The following NEDD4 variants were observed in gnomAD, a reference collection of about 807,000 sequenced individuals.
NEDD4 encodes E3 ubiquitin-protein ligase NEDD4.
NEDD4 carries 99 observed loss-of-function variants against 144.9 expected under a neutral mutation model. The ratio of observed to expected loss-of-function variants is 0.68; its 90% confidence interval spans 0.58 to 0.81. The LOEUF is 0.81. NEDD4 is among the 30% of genes least tolerant of loss of function. The pLI is 0.00. For synonymous variants in NEDD4, 318 were observed against 350.6 expected (o/e 0.91, Z 1.04); for missense variants, 985 against 1,065.9 (o/e 0.92, Z 1.06).
Position 55,840,484 on chromosome 15 carries a change from A to G in NEDD4, c.1994T>C (p.Leu665Pro). 6.2e-7 allele frequency: 1 copy of G among 1,614,016 alleles called. No individual in the cohort carries two copies. Among genetic ancestry groups the G allele is most frequent in the Non-Finnish European group, 8.5e-7 (1 of 1,179,982 alleles). ...ATCATGAAGGGTTATTGGTTTGTGA[A>G]GCATCATCTTGTAAAATGGGCGGAT... ...FFIRPFYKMM[L>P]HKPITLHDME... Residue 665 changes from leucine (L) to proline (P), a missense_variant, in exon 21 of 29, where the codon CTT (leucine) becomes CCT (proline). By Grantham distance (98) the Leu-to-Pro change is moderately conservative (BLOSUM62 -3). Transcript: ENST00000435532.
At position 55,830,569 on chromosome 15, in the gene NEDD4, A is replaced by G. The variant is rs566483106; in HGVS notation, c.2545T>C (p.Ser849Pro). ...AELYGSNGPQ[S>P]FTVEQWGTPE... ...GTACCCCACTGTTCAACTGTAAATG[A>G]CTGTGGTCCATTTGAACCTATAAGG... is the stretch of plus-strand genomic sequence containing the variant. Residue 849 changes from serine (S) to proline (P), a missense_variant, in exon 28 of 29, where the codon TCA (serine) becomes CCA (proline). Ser to Pro is a moderately conservative substitution (Grantham distance 74, BLOSUM62 -1). Coordinates refer to ENST00000435532, the MANE Select transcript of NEDD4 (RefSeq NM_006154.4). The G allele has an allele frequency of 6.2e-7, 1 of 1,614,088 alleles. No individual in the cohort carries two copies. Among genetic ancestry groups the G allele is most frequent in the East Asian group, 2.2e-5 (1 of 44,888 alleles).
At chr15:55,988,033 A>G (rs1431354583) in intron 1 of NEDD4, 1 of 151,642 alleles carries the variant, frequency 6.6e-6, no homozygotes, top group East Asian at 1.9e-4. Context: ...ACGTATGTTT[A>G]TTGCGGCACT....
At chr15:55,840,261 G>A (rs1425704951) in intron 21 of NEDD4, among the ~76,000 whole-genome samples, 186 bp downstream of exon 21, 8 of 151,600 alleles carry the variant, frequency 5.3e-5, no homozygotes, top group African/African-American at 1.9e-4. Context: ...ACTGTCCAAT[G>A]TAAAATTCTT....
intron 5 of NEDD4, among the ~76,000 whole-genome samples, chr15:55,918,621 G>C (rs1019331600): frequency 6.6e-6 from 1 of 150,648 alleles, no homozygotes; most frequent in Non-Finnish European, 1.5e-5. Flanking sequence ...ATCTGTTTTT[G>C]ATCAGAATTT....
intron 5 of NEDD4, among the ~76,000 whole-genome samples, chr15:55,905,028 G>A (rs2036040682): frequency 6.6e-6 from 1 of 151,142 alleles, no homozygotes; most frequent in Non-Finnish European, 1.5e-5. Flanking sequence ...GGAGGCAGAG[G>A]CTGCAGTGAG....
intron 2 of NEDD4, among the ~76,000 whole-genome samples, chr15:55,958,193 A>G (rs2037369583): frequency 6.6e-6 from 1 of 152,180 alleles, no homozygotes; most frequent in Non-Finnish European, 1.5e-5. Context: ...ATGTTAAGCC[A>G]CCTTTGTATT....
chr15:55,856,149 T>C lies in NEDD4; in HGVS notation c.1008A>G (p.Glu336=). Residue 336 remains glutamate, a synonymous_variant, in exon 12 of 29, where the codon GAA becomes GAG. Transcript: ENST00000435532. ...RGSLQAYTFE[E]QPTLPVLLPT... is the part of the protein sequence containing the mutation. ...AACTCACCACAGGAAGTGTAGGTTGTTCCTCAAAAGTATAGGCTTGTAAGC... is the reference window on the plus strand; with the variant it reads ...AACTCACCACAGGAAGTGTAGGTTGCTCCTCAAAAGTATAGGCTTGTAAGC... 6.2e-7 allele frequency: 1 copy of C among 1,613,230 alleles called. No individual in the cohort carries two copies. Among genetic ancestry groups the C allele is most frequent in the Non-Finnish European group, 8.5e-7 (1 of 1,179,590 alleles).
At chr15:55,970,463 T>A (rs536671334) in intron 1 of NEDD4, among the ~76,000 whole-genome samples, 1 of 152,156 alleles carries the variant, frequency 6.6e-6, no homozygotes, top group South Asian at 2.1e-4. Context: ...TTAGGCAAAA[T>A]CCAGTACTGT....
intron 6 of NEDD4, among the ~76,000 whole-genome samples, 162 bp from the exon 7 acceptor site, chr15:55,872,638 T>C (rs1445979255): frequency 6.6e-6 from 1 of 152,228 alleles, no homozygotes; most frequent in Non-Finnish European, 1.5e-5. Context: ...GCTTTCACTT[T>C]CCTGCCCAAG....
chr15:55,868,230 G>C (rs2034652086), intron 8 of NEDD4, among the ~76,000 whole-genome samples: 1 of 152,130 alleles, frequency 6.6e-6, no homozygotes, highest in Admixed American at 6.5e-5. Flanking sequence ...AGCCCCTGGG[G>C]AAGGCCCTCA....
Position 55,993,604 on chromosome 15 carries a change from G to C in NEDD4, c.-49C>G, listed in dbSNP as rs770482890. The C allele has an allele frequency of 6.3e-7, 1 of 1,579,748 alleles. No individual in the cohort carries two copies. The highest frequency in any genetic ancestry group is 1.8e-5 in the Admixed American group (1 of 55,382). Reference sequence around the variant, plus strand: ...GACGCGCTCGCCCCCGCCCAGGGCAGGCAACTGTGGAGGAGGAGGAGGAGA... The same window carrying C: ...GACGCGCTCGCCCCCGCCCAGGGCACGCAACTGTGGAGGAGGAGGAGGAGA... On this transcript the variant is annotated 5_prime_UTR_variant, in exon 1 of 29. Coordinates refer to ENST00000435532, the MANE Select transcript of NEDD4 (RefSeq NM_006154.4).
intron 11 of NEDD4, 85 bp from the exon 12 acceptor site, chr15:55,856,281 T>C: frequency 8.5e-7 from 1 of 1,171,914 alleles, no homozygotes; most frequent in East Asian, 2.4e-5. Flanking sequence ...AGGGTAAATA[T>C]GACAGGGCAG....
chr15:55,830,492 C>A, intron 28 of NEDD4, 22 bp downstream of exon 28: 1 of 1,607,744 alleles, frequency 6.2e-7, no homozygotes, highest in Non-Finnish European at 8.5e-7. Flanking sequence ...TTTGTTCTAT[C>A]AAGGTCCAAA....
chr15:55,877,320 A>T (rs2035029176), intron 5 of NEDD4, among the ~76,000 whole-genome samples: 1 of 152,352 alleles, frequency 6.6e-6, no homozygotes, highest in East Asian at 1.9e-4. Flanking sequence ...TTTGAGCAGT[A>T]CTGACTAGTC....
intron 1 of NEDD4, among the ~76,000 whole-genome samples, chr15:55,980,718 A>G (rs2140444229): frequency 6.6e-6 from 1 of 152,356 alleles, no homozygotes; most frequent in African/African-American, 2.4e-5. Context: ...ATGGAATGCA[A>G]CATAGCAAGA....
chr15:55,983,376 G>C (rs184469109), intron 1 of NEDD4, among the ~76,000 whole-genome samples: 15 of 152,262 alleles, frequency 9.9e-5, no homozygotes, highest in Admixed American at 4.6e-4. Flanking sequence ...GGCATGCCAG[G>C]CTTGCCTGAT....
chr15:55,909,694 T>C (rs1423385670), intron 5 of NEDD4, among the ~76,000 whole-genome samples: 1 of 152,146 alleles, frequency 6.6e-6, no homozygotes, highest in Non-Finnish European at 1.5e-5. Context: ...CCCTGTCACC[T>C]GTGATGTAAA....
In NEDD4 at chr15:55,864,142, T is replaced by C. The variant is rs550707806; in HGVS notation, c.508-1063A>G. 1.0e-3 allele frequency among the ~76,000 whole-genome samples: 153 copies of C among 152,280 alleles called. 2 individuals are homozygous for C. Among genetic ancestry groups the C allele is most frequent in the African/African-American group, 3.6e-3 (150 of 41,560 alleles). ...AGTTAATGCTTTTATATGAGAAACC[T>C]CACAAAAGAAAAGGCAGTAGGTCAA... On this transcript the variant is annotated intron_variant, in intron 8 of 28. Coordinates refer to ENST00000435532, the MANE Select transcript of NEDD4 (RefSeq NM_006154.4).
intron 4 of NEDD4, among the ~76,000 whole-genome samples, chr15:55,939,431 A>G (rs1450858394): frequency 6.6e-6 from 1 of 152,226 alleles, no homozygotes; most frequent in Non-Finnish European, 1.5e-5. Flanking sequence ...ACTGTGAGTC[A>G]GTTAAACCTC....
Sources: gnomAD v4.1 joint callset for allele counts (sites outside exome capture counted in the v4.1 genomes callset) on GRCh38, gnomAD v4.1.1 for gene constraint, MANE v1.5 for transcripts, NCBI Gene and HGNC (gene_info 2026-07-23, HGNC 2026-07-21) for gene names.